KCNMB2: variants seen among roughly 807,000 people sequenced by gnomAD.
KCNMB2 encodes the protein potassium calcium-activated channel subfamily M regulatory beta subunit 2.
KCNMB2 carries 9 observed loss-of-function variants against 24.5 expected under a neutral mutation model. The observed-to-expected ratio is 0.37, with a 90% CI of 0.22 to 0.64. KCNMB2 has a LOEUF of 0.64. Among genes scored for constraint, KCNMB2 ranks in the 30% least tolerant of loss-of-function variants. The pLI is 0.63. For synonymous variants in KCNMB2, 109 were observed against 104.4 expected (o/e 1.04, Z -0.27); for missense variants, 226 against 284.3 (o/e 0.79, Z 1.47).
rs1487702162 is a variant in KCNMB2 at position 178,825,654 on chromosome 3, G to A, written c.123G>A (p.Lys41=). The change falls in exon 3 of 5, where the codon AAG becomes AAA. Residue 41 remains lysine (K), a synonymous_variant. Coordinates refer to ENST00000452583, the MANE Select transcript of KCNMB2 (RefSeq NM_181361.3). The part of the protein sequence containing the change: ...LDKRKTVTAL[K]AGEDRAILLG... ...AAAGGAAAACAGTCACAGCACTGAA[G>A]GCAGGAGAGGACCGAGCTATTCTCC... The A allele has an allele frequency of 7.4e-6, 12 of 1,613,960 alleles. No homozygotes were observed. Among genetic ancestry groups the A allele is most frequent in the Non-Finnish European group, 1.0e-5 (12 of 1,179,844 alleles).
chr3:178,598,319 A>G (rs1188771896), intron 1 of KCNMB2, among the ~76,000 whole-genome samples: 1 of 152,176 alleles, frequency 6.6e-6, no homozygotes, highest in African/African-American at 2.4e-5. Context: ...ATTATAGACA[A>G]TAAAGGTCTG....
chr3:178,736,255 T>G (rs536312953), intron 1 of KCNMB2, among the ~76,000 whole-genome samples: 5 of 152,316 alleles, frequency 3.3e-5, no homozygotes, highest in African/African-American at 1.2e-4. Flanking sequence ...TCATGCTGCT[T>G]ATGAGGACTC....
At chr3:178,757,226 A>G (rs1724096430) in intron 1 of KCNMB2, 2 of 147,118 alleles carry the variant, frequency 1.4e-5, no homozygotes, top group South Asian at 4.2e-4. Flanking sequence ...ACCAGTGAAA[A>G]TTGTGGTACA....
At chr3:178,758,063 C>G (rs1264077160) in intron 1 of KCNMB2, among the ~76,000 whole-genome samples, 1 of 42,488 alleles carries the variant, frequency 2.4e-5, no homozygotes, top group Non-Finnish European at 4.2e-5. Flanking sequence ...TATATATCTC[C>G]AAGAGGATAT....
At chr3:178,705,282 G>A (rs1332419027) in intron 1 of KCNMB2, among the ~76,000 whole-genome samples, 1 of 152,012 alleles carries the variant, frequency 6.6e-6, no homozygotes, top group African/African-American at 2.4e-5. Flanking sequence ...CAATTTTCTA[G>A]GTAGTCACTT....
chr3:178,749,579 C>T (rs964260883), intron 1 of KCNMB2, among the ~76,000 whole-genome samples: 3 of 152,178 alleles, frequency 2.0e-5, no homozygotes, highest in Non-Finnish European at 2.9e-5. Flanking sequence ...CTGCTCATTT[C>T]GTATCCAGCA....
At chr3:178,603,367 T>C (rs988724524) in intron 1 of KCNMB2, among the ~76,000 whole-genome samples, 1 of 151,708 alleles carries the variant, frequency 6.6e-6, no homozygotes, top group Admixed American at 6.6e-5. Flanking sequence ...GGTATGGAGA[T>C]AGAGATTAAA....
At chr3:178,613,680 G>T (rs1718575967) in intron 1 of KCNMB2, among the ~76,000 whole-genome samples, 1 of 152,182 alleles carries the variant, frequency 6.6e-6, no homozygotes, top group South Asian at 2.1e-4. Context: ...CCATGGAAAA[G>T]TCTGCTGTCA....
intron 1 of KCNMB2, among the ~76,000 whole-genome samples, chr3:178,541,433 A>G (rs1371147510): frequency 6.6e-6 from 1 of 152,230 alleles, no homozygotes; most frequent in Admixed American, 6.5e-5. Context: ...TACAAGCCCC[A>G]GTAGCCTGTG....
chr3:178,794,751 A>G (rs767562741), intron 1 of KCNMB2, among the ~76,000 whole-genome samples: 35 of 152,220 alleles, frequency 2.3e-4, no homozygotes, highest in Admixed American at 4.6e-4. Flanking sequence ...GTCTTGCTGG[A>G]AAGGAGGGCT....
At chr3:178,564,839 T>C (rs1716460909) in intron 1 of KCNMB2, among the ~76,000 whole-genome samples, 2 of 152,208 alleles carry the variant, frequency 1.3e-5, no homozygotes, top group African/African-American at 4.8e-5. Context: ...TACTTTTTCA[T>C]GTGTGCAAAG....
At chr3:178,673,841 C>T (rs893193534) in intron 1 of KCNMB2, among the ~76,000 whole-genome samples, 2 of 152,106 alleles carry the variant, frequency 1.3e-5, no homozygotes, top group African/African-American at 4.8e-5. Context: ...TCTGTAAAAG[C>T]CTAACAAGCC....
chr3:178,790,278 C>T lies in KCNMB2; in HGVS notation c.-67-17065C>T, dbSNP rs150074747. On this transcript the variant is annotated intron_variant, in intron 1 of 4. Coordinates refer to ENST00000452583, the MANE Select transcript of KCNMB2 (RefSeq NM_181361.3). ...AGTGGTTGCCAGGCAGTACTTATCA[C>T]GGGGCTTCAGTGAGACCCAGGGTCA... Among the ~76,000 whole-genome samples, 346 of 152,136 alleles carry T rather than the reference C, an allele frequency of 2.3e-3. 2 individuals are homozygous for T. The highest frequency in any genetic ancestry group is 7.7e-3 in the African/African-American group (318 of 41,520).
intron 1 of KCNMB2, among the ~76,000 whole-genome samples, chr3:178,618,501 G>A: frequency 6.6e-6 from 1 of 152,108 alleles, no homozygotes; most frequent in East Asian, 1.9e-4. Context: ...TGCATTCAGG[G>A]GTCAAGCATA....
At chr3:178,729,107 G>T (rs1723059722) in intron 1 of KCNMB2, among the ~76,000 whole-genome samples, 2 of 151,788 alleles carry the variant, frequency 1.3e-5, no homozygotes, top group African/African-American at 4.8e-5. Flanking sequence ...TGCAAAAAAA[G>T]AAAAAAGAAA....
intron 1 of KCNMB2, among the ~76,000 whole-genome samples, chr3:178,661,761 C>T (rs548110413): frequency 2.6e-4 from 39 of 152,200 alleles, no homozygotes; most frequent in Non-Finnish European, 5.3e-4. Flanking sequence ...GAATCAGAAT[C>T]AGACTTTTAA....
chr3:178,834,607 G>A (rs1394228375), intron 4 of KCNMB2, among the ~76,000 whole-genome samples: 1 of 152,028 alleles, frequency 6.6e-6, no homozygotes, highest in Non-Finnish European at 1.5e-5. Context: ...TATGTAGAGT[G>A]GATATTAAAC....
intron 1 of KCNMB2, among the ~76,000 whole-genome samples, chr3:178,555,277 T>C (rs1023105616): frequency 6.6e-6 from 1 of 152,218 alleles, no homozygotes; most frequent in African/African-American, 2.4e-5. Flanking sequence ...AAAATTTTCT[T>C]CCCTGTGCCG....
intron 1 of KCNMB2, among the ~76,000 whole-genome samples, chr3:178,540,492 C>T (rs1388484270): frequency 6.6e-6 from 1 of 152,208 alleles, no homozygotes; most frequent in Admixed American, 6.5e-5. Flanking sequence ...CAAGGCCTTA[C>T]AGTGGCCCAT....
Sources: allele counts gnomAD v4.1 joint callset (sites outside exome capture counted in the v4.1 genomes callset), GRCh38; gene constraint gnomAD v4.1.1; transcripts MANE v1.5; gene names NCBI Gene and HGNC (gene_info 2026-07-23, HGNC 2026-07-21).